ADK: variants seen among roughly 807,000 people sequenced by gnomAD.
ADK encodes the protein N6,N6-dimethyladenosine kinase.
ADK carries 24 observed loss-of-function variants against 44.7 expected under a neutral mutation model. The observed-to-expected ratio is 0.54, with a 90% CI of 0.39 to 0.76. The LOEUF is 0.76. Among genes scored for constraint, ADK ranks in the 30% least tolerant of loss-of-function variants. ADK has a pLI of 0.00. For synonymous variants in ADK, 128 were observed against 142.6 expected, an observed-to-expected ratio of 0.90 and a Z score of 0.73; for missense variants, 321 against 425.1, an observed-to-expected ratio of 0.76 and a Z score of 2.15.
intron 7 of ADK, among the ~76,000 whole-genome samples, chr10:74,554,820 TTTC>T (rs1326392661): frequency 3.3e-5 from 5 of 151,866 alleles, no homozygotes; most frequent in African/African-American, 1.2e-4. Context: ...GAAGCAGTGT[TTTC>T]TTTCCCACAG....
Position 74,670,156 on chromosome 10 carries a change from T to G in ADK, c.878-27T>G, listed in dbSNP as rs1855116829. On this transcript the variant is annotated intron_variant, in intron 9 of 10. Coordinates refer to ENST00000539909, the MANE Select transcript of ADK (RefSeq NM_006721.4). ...ATTGAGTGTTACAAAGAGAAGTCAT[T>G]CTGCCTTTCTTTGGCTCTAATTGCA... 2.5e-6 allele frequency: 4 copies of G among 1,578,236 alleles called. No individual in the cohort carries two copies. The African/African-American group carries it at 5.4e-5, about 21-fold the overall frequency.
intron 7 of ADK, among the ~76,000 whole-genome samples, chr10:74,532,682 T>C (rs886748583): frequency 3.3e-5 from 5 of 151,828 alleles, no homozygotes; most frequent in African/African-American, 1.2e-4. Flanking sequence ...TGGTGGATCA[T>C]TTGAGGTCAA....
At chr10:74,517,134 A>G (rs959334971) in intron 6 of ADK, among the ~76,000 whole-genome samples, 4 of 152,138 alleles carry the variant, frequency 2.6e-5, no homozygotes, top group African/African-American at 9.7e-5. Context: ...TTGGGTGGGA[A>G]CACAGAGCCA....
At chr10:74,326,562 G>A in intron 4 of ADK, among the ~76,000 whole-genome samples, 1 of 152,062 alleles carries the variant, frequency 6.6e-6, no homozygotes, top group East Asian at 1.9e-4. Context: ...AGTGAACTAT[G>A]ATCATGCCAC....
At position 74,670,269 on chromosome 10, in the gene ADK, G is replaced by A; in HGVS notation, c.964G>A (p.Gly322Ser). Residue 322 changes from glycine (G) to serine (S), a missense_variant and splice_region_variant, in exon 10 of 11, where the codon GGT becomes AGT. By Grantham distance (56) the Gly-to-Ser change is moderately conservative (BLOSUM62 0). Coordinates refer to ENST00000539909, the MANE Select transcript of ADK (RefSeq NM_006721.4). ...TGGAGCTGGAGATGCATTTGTTGGA[G>A]GTACAGACTAATTTATTTCATTCTT... Reference protein sequence around the residue: ...TNGAGDAFVGGFLSQLVSDKP... With the variant: ...TNGAGDAFVGSFLSQLVSDKP... 1 of 1,609,616 alleles carries A rather than the reference G, an allele frequency of 6.2e-7. No individual in the cohort carries two copies. Among genetic ancestry groups the A allele is most frequent in the Non-Finnish European group, 8.5e-7 (1 of 1,176,064 alleles).
chr10:74,693,660 G>A lies in ADK; in HGVS notation c.965-14661G>A, dbSNP rs117387748. Among the ~76,000 whole-genome samples, 657 of 152,288 alleles carry A rather than the reference G, an allele frequency of 4.3e-3. 3 individuals carry two copies. Among genetic ancestry groups the A allele is most frequent in the Middle Eastern group, 0.034 (10 of 294 alleles). On this transcript the variant is annotated intron_variant, in intron 10 of 10. Coordinates refer to ENST00000539909, the MANE Select transcript of ADK (RefSeq NM_006721.4). ...CTGATTTACTTGGTATATAGCTTCT[G>A]TAAGAGGAAGTTTCATTTGGGAAAG...
intron 3 of ADK, among the ~76,000 whole-genome samples, chr10:74,235,127 C>CGTTTTT (rs1844909803): frequency 9.0e-6 from 1 of 111,680 alleles, no homozygotes; most frequent in African/African-American, 3.1e-5. Flanking sequence ...TGAAATTATC[C>CGTTTTT]CTTTTTTTTT....
At chr10:74,187,105 T>G (rs1285794901) in intron 1 of ADK, among the ~76,000 whole-genome samples, 1 of 152,196 alleles carries the variant, frequency 6.6e-6, no homozygotes, top group Non-Finnish European at 1.5e-5. Flanking sequence ...TTCACAATGT[T>G]TGGCATTTTA....
At chr10:74,300,378 GTCTCTTT>G (rs892904531) in intron 3 of ADK, among the ~76,000 whole-genome samples, 4 of 124,676 alleles carry the variant, frequency 3.2e-5, no homozygotes, top group African/African-American at 1.2e-4. Context: ...TTTCTTCTTT[GTCTCTTT>G]TCTCTTTTCT....
intron 4 of ADK, among the ~76,000 whole-genome samples, chr10:74,390,326 A>G (rs1221856602): frequency 6.6e-6 from 1 of 152,166 alleles, no homozygotes; most frequent in Non-Finnish European, 1.5e-5. Context: ...TGGAGTGATA[A>G]TATCCAAAAT....
intron 7 of ADK, among the ~76,000 whole-genome samples, chr10:74,554,637 T>G (rs1850168329): frequency 6.6e-6 from 1 of 152,144 alleles, no homozygotes; most frequent in Admixed American, 6.5e-5. Context: ...TTTTCACTAG[T>G]CCATTTTGAT....
intron 9 of ADK, among the ~76,000 whole-genome samples, chr10:74,665,030 G>A (rs1854895857): frequency 1.3e-5 from 2 of 152,084 alleles, no homozygotes; most frequent in Admixed American, 6.6e-5. Context: ...AATACACACT[G>A]AAGTATTAAG....
chr10:74,168,543 AAAAAAAAAGAAAGAAAG>A (rs1842089180), intron 1 of ADK, among the ~76,000 whole-genome samples: 1 of 149,910 alleles, frequency 6.7e-6, no homozygotes, highest in Non-Finnish European at 1.5e-5. Context: ...TCTCAAAAAA[AAAAAAAAAGAAAGAAAG>A]AAAAAAAAGA....
intron 6 of ADK, among the ~76,000 whole-genome samples, chr10:74,502,752 C>T (rs1240988158): frequency 6.6e-6 from 1 of 152,060 alleles, no homozygotes; most frequent in Non-Finnish European, 1.5e-5. Flanking sequence ...AGATAGAAAG[C>T]AGCAGCAATT....
chr10:74,654,338 G>C (rs1854397711), intron 9 of ADK, among the ~76,000 whole-genome samples: 1 of 152,130 alleles, frequency 6.6e-6, no homozygotes, highest in Non-Finnish European at 1.5e-5. Context: ...ATGACGCCTT[G>C]GTCCAAATTA....
At chr10:74,614,831 T>C (rs1347425407) in intron 9 of ADK, among the ~76,000 whole-genome samples, 1 of 152,208 alleles carries the variant, frequency 6.6e-6, no homozygotes, top group African/African-American at 2.4e-5. Flanking sequence ...CTAGATATGC[T>C]CTTTGTTCCT....
At chr10:74,414,182 G>A (rs1844286152) in intron 6 of ADK, among the ~76,000 whole-genome samples, 1 of 152,074 alleles carries the variant, frequency 6.6e-6, no homozygotes, top group Non-Finnish European at 1.5e-5. Flanking sequence ...CCATACTCAA[G>A]GCAGGCTTGC....
intron 4 of ADK, chr10:74,372,503 C>A: frequency 5.1e-6 from 2 of 392,988 alleles, no homozygotes; most frequent in Non-Finnish European, 4.7e-6. Context: ...GTAATGCATT[C>A]AGCAAGGTTG....
At chr10:74,284,203 G>A (rs376988892) in intron 3 of ADK, among the ~76,000 whole-genome samples, 6 of 150,428 alleles carry the variant, frequency 4.0e-5, no homozygotes, top group Admixed American at 2.6e-4. Context: ...CAGGTGATCC[G>A]CCAGTCTTGG....
Sources: allele counts gnomAD v4.1 joint callset (sites outside exome capture counted in the v4.1 genomes callset), GRCh38; gene constraint gnomAD v4.1.1; transcripts MANE v1.5; gene names NCBI Gene and HGNC (gene_info 2026-07-23, HGNC 2026-07-21).